Variants in NT5C3A observed in about 807,000 individuals in gnomAD.
NT5C3A encodes 5'-nucleotidase, cytosolic IIIA.
In NT5C3A, 23 loss-of-function variants were observed where a neutral mutation model predicts 40.0. The observed-to-expected ratio is 0.58, with a 90% CI of 0.41 to 0.81. The LOEUF (loss-of-function observed/expected upper bound fraction) is 0.81, where lower values mean the gene tolerates loss of function less well. Among genes scored for constraint, NT5C3A ranks in the 40% least tolerant of loss-of-function variants. NT5C3A has a pLI of 0.00. For missense variants in NT5C3A, 328 were observed against 403.0 expected (o/e 0.81, Z 1.59); for synonymous variants, 130 against 141.4 (o/e 0.92, Z 0.57).
chr7:33,021,000 TA>T (rs1333069517), intron 5 of NT5C3A, among the ~76,000 whole-genome samples: 44 of 151,632 alleles, frequency 2.9e-4, no homozygotes, highest in East Asian at 1.4e-3. Context: ...TTCATATACT[TA>T]AAAAAAAATT....
At chr7:33,026,794 A>AGT in intron 2 of NT5C3A, 23 bp downstream of exon 2, 1 of 1,522,418 alleles carries the variant, frequency 6.6e-7, no homozygotes, top group Non-Finnish European at 9.1e-7. Context: ...ACACACAGCC[A>AGT]AGGCTTCTTG....
intron 1 of NT5C3A, among the ~76,000 whole-genome samples, chr7:33,048,536 A>G (rs1352927430): frequency 6.6e-6 from 1 of 152,138 alleles, no homozygotes; most frequent in African/African-American, 2.4e-5. Flanking sequence ...CTATAAGTGT[A>G]CTAGAGGGGA....
At chr7:33,048,256 G>A (rs1200884683) in intron 1 of NT5C3A, among the ~76,000 whole-genome samples, 3 of 151,046 alleles carry the variant, frequency 2.0e-5, no homozygotes, top group Admixed American at 1.3e-4. Flanking sequence ...TTTTGCCCAG[G>A]CTGGTCTCTA....
intron 1 of NT5C3A, among the ~76,000 whole-genome samples, chr7:33,027,530 T>C (rs549631929): frequency 1.3e-5 from 2 of 152,256 alleles, no homozygotes; most frequent in African/African-American, 4.8e-5. Context: ...GAAATAACAG[T>C]AAAAATATAA....
At chr7:33,043,291 C>G (rs1332147028) in intron 1 of NT5C3A, among the ~76,000 whole-genome samples, 3 of 152,050 alleles carry the variant, frequency 2.0e-5, no homozygotes, top group Non-Finnish European at 4.4e-5. Flanking sequence ...AATCTTTATA[C>G]AAGTATAGGA....
chr7:33,019,538 A>G, intron 6 of NT5C3A, 97 bp downstream of exon 6: 1 of 775,300 alleles, frequency 1.3e-6, no homozygotes, highest in Non-Finnish European at 2.3e-6. Context: ...TATATAAGGA[A>G]TATTCAATCT....
chr7:33,055,074 C>A (rs1025727861), intron 1 of NT5C3A, among the ~76,000 whole-genome samples: 4 of 152,140 alleles, frequency 2.6e-5, no homozygotes, highest in Admixed American at 2.0e-4. Context: ...CCTGTAATCC[C>A]AGCATTTTGG....
chr7:33,061,513 A>G lies in NT5C3A; in HGVS notation c.138+1055T>C, dbSNP rs1300925627. Among the ~76,000 whole-genome samples the G allele has an allele frequency of 2.0e-5, 3 of 152,134 alleles. 1 individual carries two copies. The highest frequency in any genetic ancestry group is 4.1e-4 in the South Asian group (2 of 4,826). On this transcript the variant is annotated intron_variant, in intron 1 of 8. Coordinates refer to ENST00000610140, the MANE Select transcript of NT5C3A (RefSeq NM_001002010.5). ...CAGTGATCTTCCTCTCAGCCTCCCAAATAGCTGGGACACTGGCTAATTTTA... is the reference window on the plus strand; with the variant it reads ...CAGTGATCTTCCTCTCAGCCTCCCAGATAGCTGGGACACTGGCTAATTTTA...
intron 1 of NT5C3A, among the ~76,000 whole-genome samples, chr7:33,056,422 A>G (rs982610230): frequency 3.0e-5 from 4 of 131,450 alleles, no homozygotes; most frequent in Non-Finnish European, 6.3e-5. Context: ...AGACTGCTTG[A>G]GCCCAGGAAT....
chr7:33,059,368 T>C (rs1317807369), intron 1 of NT5C3A, among the ~76,000 whole-genome samples: 1 of 152,236 alleles, frequency 6.6e-6, no homozygotes. Context: ...TCAAATTTCA[T>C]ATGACTTAAA....
chr7:33,016,183 C>T (rs1321408586), intron 7 of NT5C3A, among the ~76,000 whole-genome samples: 1 of 151,408 alleles, frequency 6.6e-6, no homozygotes, highest in African/African-American at 2.4e-5. Context: ...CGAGACCAGA[C>T]TGGCCAATAT....
At position 33,014,259 on chromosome 7, in the gene NT5C3A, T is replaced by C. The variant is rs1785203910; in HGVS notation, c.*471A>G. ...TGCTAGTCTTTTCCAGTAAATATTT[T>C]TTCCCCAGACAAAATAACCAAACCT... On this transcript the variant is annotated 3_prime_UTR_variant, in exon 9 of 9. Transcript: ENST00000610140. The C allele has an allele frequency of 4.4e-6, 2 of 454,512 alleles. No individual in the cohort carries two copies. The highest frequency in any genetic ancestry group is 1.4e-4 in the East Asian group (2 of 14,394). The allele number at this position is 454,512 out of a possible 1,614,324, so 28.2% of individuals were successfully genotyped here. A position where few individuals can be genotyped will look rare whatever the true frequency, so the allele number is the denominator to read the frequency against.
intron 1 of NT5C3A, among the ~76,000 whole-genome samples, chr7:33,053,114 A>T (rs1444346274): frequency 2.6e-5 from 4 of 152,216 alleles, no homozygotes; most frequent in Non-Finnish European, 2.9e-5. Flanking sequence ...TAGTATTGGT[A>T]ACCGAGGTGA....
chr7:33,022,920 G>GTTT (rs201688510), intron 3 of NT5C3A, among the ~76,000 whole-genome samples: 1 of 136,088 alleles, frequency 7.3e-6, no homozygotes. Context: ...GATTTTTAGT[G>GTTT]TTTTTTTTTT....
rs3082829 is a variant in NT5C3A at position 33,060,369 on chromosome 7, CTTTTTTTTTTTTT to C, written c.138+2186_138+2198del. Among the ~76,000 whole-genome samples the C allele has an allele frequency of 3.8e-5, 3 of 78,508 alleles. No homozygotes were observed. The East Asian group carries it at 1.1e-3, about 30-fold the overall frequency. The allele number at this position is 78,508 out of a possible 152,430, so 51.5% of individuals were successfully genotyped here. ...TCCCATTCCGTATCTTGCTTTCCTT[CTTTTTTTTTTTTT>C]TTTTTTTTTTTTTGAGACAGGGTTC... On this transcript the variant is annotated intron_variant, in intron 1 of 8. Coordinates refer to ENST00000610140, the MANE Select transcript of NT5C3A (RefSeq NM_001002010.5).
At chr7:33,061,863 A>G (rs2128023027) in intron 1 of NT5C3A, among the ~76,000 whole-genome samples, 1 of 152,312 alleles carries the variant, frequency 6.6e-6, no homozygotes, top group South Asian at 2.1e-4. Flanking sequence ...CATTTTTGAA[A>G]CAATTACTTA....
At chr7:33,034,091 C>T (rs920145550) in intron 1 of NT5C3A, among the ~76,000 whole-genome samples, 13 of 151,390 alleles carry the variant, frequency 8.6e-5, no homozygotes, top group Non-Finnish European at 1.8e-4. Context: ...CGGGGTTTCA[C>T]CATGTTAGCC....
At chr7:33,062,127 C>A (rs898882098) in intron 1 of NT5C3A, among the ~76,000 whole-genome samples, 1 of 152,102 alleles carries the variant, frequency 6.6e-6, no homozygotes, top group African/African-American at 2.4e-5. Context: ...TAGTCCTCTG[C>A]GGGAATTGCA....
chr7:33,035,921 G>C, intron 1 of NT5C3A: 1 of 1,605,154 alleles, frequency 6.2e-7, no homozygotes, highest in Non-Finnish European at 8.5e-7. Flanking sequence ...ACTGGAAATA[G>C]GCAAATACCC....
Sources: allele counts gnomAD v4.1 joint callset (sites outside exome capture counted in the v4.1 genomes callset), GRCh38; gene constraint gnomAD v4.1.1; transcripts MANE v1.5; gene names NCBI Gene and HGNC (gene_info 2026-07-23, HGNC 2026-07-21).